Variants in ZNF804B observed in about 807,000 individuals in gnomAD.
The protein encoded by ZNF804B is zinc finger 804B.
A neutral mutation model predicts 101.4 loss-of-function variants in ZNF804B; 80 were observed. The observed-to-expected ratio is 0.79, with a 90% CI of 0.66 to 0.95. The LOEUF (loss-of-function observed/expected upper bound fraction) is 0.95. Among genes scored for constraint, ZNF804B ranks in the 40% least tolerant of loss-of-function variants. The probability of loss-of-function intolerance (pLI) is 0.00; values close to 1 mark genes in which losing one functional copy is unlikely to be tolerated. For synonymous variants in ZNF804B, 622 were observed against 558.8 expected (o/e 1.11, Z -1.59); for missense variants, 1,673 against 1,561.9 (o/e 1.07, Z -1.20).
intron 1 of ZNF804B, among the ~76,000 whole-genome samples, chr7:89,036,383 G>A (rs1005146980): frequency 6.6e-6 from 1 of 151,716 alleles, no homozygotes; most frequent in African/African-American, 2.4e-5. Context: ...ATGAATATTA[G>A]CAGTTAATAA....
In ZNF804B at chr7:88,865,040, C is replaced by G. The variant is rs1651248359; in HGVS notation, c.108+104956C>G. On this transcript the variant is annotated intron_variant, in intron 1 of 3. Transcript: ENST00000333190. ...GGTCAGGAGTTCAAGGCCACCCAGA[C>G]TAACATAGAGAAACCCCGTCTCTAC... is the stretch of plus-strand genomic sequence containing the variant. Among the ~76,000 whole-genome samples, 3 of 151,454 alleles carry G rather than the reference C, an allele frequency of 2.0e-5. No homozygotes were observed. The South Asian group carries it at 6.3e-4, about 32-fold the overall frequency.
At chr7:88,815,564 C>T (rs557714147) in intron 1 of ZNF804B, among the ~76,000 whole-genome samples, 3 of 152,070 alleles carry the variant, frequency 2.0e-5, no homozygotes, top group South Asian at 4.2e-4. Flanking sequence ...CTTGTGGGCA[C>T]CTTTCCCCAC....
chr7:89,055,931 G>A (rs1276768914), intron 1 of ZNF804B, among the ~76,000 whole-genome samples: 1 of 152,156 alleles, frequency 6.6e-6, no homozygotes, highest in African/African-American at 2.4e-5. Context: ...CTCTTCTCAG[G>A]TGGTTGATTT....
intron 1 of ZNF804B, among the ~76,000 whole-genome samples, chr7:88,951,012 G>A (rs187441793): frequency 4.0e-4 from 60 of 151,796 alleles, no homozygotes; most frequent in Non-Finnish European, 7.5e-4. Context: ...GGACAGAGTT[G>A]TTTTATGAGA....
At chr7:89,001,271 G>GA (rs1788283936) in intron 1 of ZNF804B, among the ~76,000 whole-genome samples, 1 of 150,552 alleles carries the variant, frequency 6.6e-6, no homozygotes, top group South Asian at 2.1e-4. Context: ...TATTCTTACT[G>GA]AAAAAATAAC....
chr7:89,069,936 C>T (rs1218941483), intron 1 of ZNF804B, among the ~76,000 whole-genome samples: 1 of 152,074 alleles, frequency 6.6e-6, no homozygotes, highest in African/African-American at 2.4e-5. Context: ...AAGCAAGATG[C>T]CTGCTACAAA....
intron 2 of ZNF804B, among the ~76,000 whole-genome samples, chr7:89,308,646 C>A (rs1790602879): frequency 6.6e-6 from 1 of 152,160 alleles, no homozygotes; most frequent in African/African-American, 2.4e-5. Context: ...ATAAGGTATA[C>A]AAATGTGGAA....
chr7:89,088,366 G>A (rs1162815710), intron 1 of ZNF804B, among the ~76,000 whole-genome samples: 1 of 151,794 alleles, frequency 6.6e-6, no homozygotes, highest in Admixed American at 6.6e-5. Flanking sequence ...ATGAGATCTG[G>A]AACCCTTAAA....
At chr7:88,865,836 C>A (rs1562816606) in intron 1 of ZNF804B, among the ~76,000 whole-genome samples, 1 of 152,218 alleles carries the variant, frequency 6.6e-6, no homozygotes, top group Non-Finnish European at 1.5e-5. Flanking sequence ...GTCATCTATG[C>A]CACTTGCTGA....
chr7:89,231,121 T>G (rs188565356), intron 2 of ZNF804B, among the ~76,000 whole-genome samples: 2 of 152,192 alleles, frequency 1.3e-5, no homozygotes, highest in Admixed American at 1.3e-4. Context: ...AGTATTAATT[T>G]TTGTGCATGA....
At chr7:89,269,933 T>G (rs936454385) in intron 2 of ZNF804B, among the ~76,000 whole-genome samples, 22 of 152,186 alleles carry the variant, frequency 1.4e-4, no homozygotes, top group Non-Finnish European at 2.4e-4. Context: ...CTTGTAAATT[T>G]GTTTGAGTTC....
chr7:89,194,334 A>G (rs1788509423), intron 1 of ZNF804B, among the ~76,000 whole-genome samples: 1 of 151,316 alleles, frequency 6.6e-6, no homozygotes, highest in Non-Finnish European at 1.5e-5. Context: ...CCATTTGTCA[A>G]TTTTGGCTTT....
chr7:89,172,812 C>T (rs1420149825), intron 1 of ZNF804B, among the ~76,000 whole-genome samples: 2 of 152,238 alleles, frequency 1.3e-5, no homozygotes. Flanking sequence ...TGGAATTGGT[C>T]TTTGACTAGA....
At chr7:88,858,617 C>T (rs932003144) in intron 1 of ZNF804B, among the ~76,000 whole-genome samples, 1 of 152,030 alleles carries the variant, frequency 6.6e-6, no homozygotes, top group South Asian at 2.1e-4. Context: ...GCAGAATGAA[C>T]ATACTGGGGT....
At chr7:88,911,454 A>T (rs1481545801) in intron 1 of ZNF804B, among the ~76,000 whole-genome samples, 1 of 148,360 alleles carries the variant, frequency 6.7e-6, no homozygotes, top group South Asian at 2.1e-4. Flanking sequence ...TATATGATTT[A>T]TATATATTTA....
At chr7:89,088,650 C>G (rs1789840714) in intron 1 of ZNF804B, among the ~76,000 whole-genome samples, 1 of 146,334 alleles carries the variant, frequency 6.8e-6, no homozygotes, top group Non-Finnish European at 1.5e-5. Context: ...ATAAGAGTCA[C>G]AGCTGCTGTC....
intron 1 of ZNF804B, among the ~76,000 whole-genome samples, chr7:88,838,863 A>G (rs540650141): frequency 2.6e-5 from 4 of 152,050 alleles, no homozygotes; most frequent in South Asian, 4.1e-4. Flanking sequence ...AATACTAACT[A>G]TACTTGTTAT....
chr7:89,113,004 C>T (rs1265639004), intron 1 of ZNF804B, among the ~76,000 whole-genome samples: 3 of 152,012 alleles, frequency 2.0e-5, no homozygotes, highest in Admixed American at 1.3e-4. Context: ...TAAAAATCTT[C>T]AACATACATA....
chr7:88,968,171 T>C (rs1220418876), intron 1 of ZNF804B, among the ~76,000 whole-genome samples: 1 of 151,580 alleles, frequency 6.6e-6, no homozygotes, highest in Non-Finnish European at 1.5e-5. Flanking sequence ...TGTTAGAAAT[T>C]TGTCATGTTA....
Sources: gnomAD v4.1 joint callset for allele counts (sites outside exome capture counted in the v4.1 genomes callset) on GRCh38, gnomAD v4.1.1 for gene constraint, MANE v1.5 for transcripts, NCBI Gene and HGNC (gene_info 2026-07-23, HGNC 2026-07-21) for gene names.